The following SHOC1 variants were observed in gnomAD, a reference collection of about 807,000 sequenced individuals.
SHOC1 encodes protein shortage in chiasmata 1 ortholog.
SHOC1 carries 136 observed loss-of-function variants against 179.2 expected under a neutral mutation model. The ratio of observed to expected loss-of-function variants is 0.76; its 90% CI spans 0.66 to 0.87. SHOC1 has a LOEUF of 0.87. Ranked by LOEUF, SHOC1 falls within the 40% of genes least tolerant of loss-of-function variation. SHOC1 has a pLI of 0.00. For missense variants in SHOC1, 1,538 were observed against 1,700.8 expected (o/e 0.90, Z 1.68); for synonymous variants, 489 against 586.6 (o/e 0.83, Z 2.41).
At chr9:111,728,141 A>G (rs1457000625) in intron 12 of SHOC1, 92 bp from the exon 13 acceptor site, 1 of 904,934 alleles carries the variant, frequency 1.1e-6, no homozygotes, top group African/African-American at 1.7e-5. Flanking sequence ...GTGGTTTCTT[A>G]TTAATGTAAT....
chr9:111,733,937 C>T (rs527293657), intron 12 of SHOC1, among the ~76,000 whole-genome samples: 1 of 152,128 alleles, frequency 6.6e-6, no homozygotes, highest in African/African-American at 2.4e-5. Context: ...CCAAGTGCCA[C>T]TTTTCAGATA....
At chr9:111,782,346 G>C (rs1836096620) in intron 3 of SHOC1, among the ~76,000 whole-genome samples, 1 of 151,958 alleles carries the variant, frequency 6.6e-6, no homozygotes. Context: ...TTGCACCTCT[G>C]TTTTTTTTAT....
intron 9 of SHOC1, 148 bp from the exon 10 acceptor site, chr9:111,746,490 G>C: frequency 4.0e-6 from 2 of 504,214 alleles, no homozygotes; most frequent in South Asian, 2.5e-5. Flanking sequence ...GGGCAACATG[G>C]CAAGATCAGT....
intron 5 of SHOC1, among the ~76,000 whole-genome samples, chr9:111,760,451 A>G (rs1462544937): frequency 1.3e-5 from 2 of 152,280 alleles, no homozygotes; most frequent in East Asian, 3.9e-4. Context: ...ACCAGGAAAC[A>G]AAATTTTGGC....
intron 2 of SHOC1, among the ~76,000 whole-genome samples, chr9:111,786,515 T>TTTC (rs1836268345): frequency 1.3e-5 from 2 of 150,818 alleles, no homozygotes; most frequent in African/African-American, 4.9e-5. Context: ...TTTTTTTTTT[T>TTTC]TTTTTTTTTT....
At chr9:111,732,254 T>C (rs1833607320) in intron 12 of SHOC1, among the ~76,000 whole-genome samples, 1 of 152,136 alleles carries the variant, frequency 6.6e-6, no homozygotes, top group Admixed American at 6.6e-5. Flanking sequence ...CACATAAGAC[T>C]CAGCAATTTG....
intron 27 of SHOC1, among the ~76,000 whole-genome samples, chr9:111,689,641 T>C (rs546621108): frequency 9.4e-4 from 143 of 151,940 alleles, no homozygotes; most frequent in Non-Finnish European, 1.8e-3. Flanking sequence ...CCATATTGAA[T>C]GTAGATACTA....
intron 19 of SHOC1, among the ~76,000 whole-genome samples, chr9:111,707,452 A>T (rs1036537400): frequency 2.6e-5 from 4 of 152,046 alleles, no homozygotes; most frequent in African/African-American, 7.2e-5. Flanking sequence ...ACAATTCAAC[A>T]CTTGATTTAT....
chr9:111,744,940 A>T (rs1361222703), intron 10 of SHOC1, among the ~76,000 whole-genome samples: 1 of 152,212 alleles, frequency 6.6e-6, no homozygotes, highest in Non-Finnish European at 1.5e-5. Context: ...TTTTGGCTCA[A>T]ACTAGAATAT....
At chr9:111,786,530 C>G (rs1003980167) in intron 2 of SHOC1, among the ~76,000 whole-genome samples, 3 of 75,112 alleles carry the variant, frequency 4.0e-5, no homozygotes, top group African/African-American at 1.7e-4. Flanking sequence ...TTTTTTTTTA[C>G]AAATTGAAGC....
At chr9:111,693,702 C>T in intron 26 of SHOC1, 97 bp downstream of exon 26, 1 of 752,650 alleles carries the variant, frequency 1.3e-6, no homozygotes, top group South Asian at 3.8e-5. Context: ...AACAATTAAA[C>T]TTGGATACCT....
Position 111,706,629 on chromosome 9 carries a change from G to T in SHOC1, c.2676C>A (p.Cys892Ter), listed in dbSNP as rs1176226667. The change falls in exon 20 of 28, where the codon TGC (cysteine) becomes TGA (stop). Residue 892 changes from cysteine to a stop codon, truncating the protein, a stop_gained. Transcript: ENST00000682961. LOFTEE classifies it high-confidence loss of function. ...CCATGTAAGGAATATTCAACTCTTT[G>T]CAGTGTTTAGTCCAACAAGAGTCTT... ...YVEDSCWTKH[C>*]KELNIPYMAF... The T allele has an allele frequency of 6.2e-7, 1 of 1,605,732 alleles. No homozygotes were observed. Among genetic ancestry groups the T allele is most frequent in the Non-Finnish European group, 8.5e-7 (1 of 1,175,508 alleles).
At chr9:111,712,420 G>A (rs12337133) in intron 18 of SHOC1, among the ~76,000 whole-genome samples, 8,669 of 152,130 alleles carry the variant, frequency 0.057, 627 homozygotes, top group African/African-American at 0.17. Flanking sequence ...GATAATGGAA[G>A]GTAAGAAATG....
chr9:111,694,333 A>C lies in SHOC1; in HGVS notation c.3213T>G (p.Thr1071=). The C allele has an allele frequency of 6.2e-7, 1 of 1,610,846 alleles. No homozygotes were observed. The highest frequency in any genetic ancestry group is 8.5e-7 in the Non-Finnish European group (1 of 1,177,652). ...CAGCAATTTGTCGAATTATCAAGGC[A>C]GTTGCTTCTACTCCTGGGGCAATTA... ...KLIIAPGVEA[T]ALIIRQIADH... is the part of the protein sequence containing the mutation. Residue 1071 remains threonine (T), a synonymous_variant, in exon 25 of 28, where the codon ACT becomes ACG. Transcript: ENST00000682961.
At chr9:111,781,503 A>G (rs1319110133) in intron 3 of SHOC1, among the ~76,000 whole-genome samples, 1 of 152,176 alleles carries the variant, frequency 6.6e-6, no homozygotes, top group Non-Finnish European at 1.5e-5. Flanking sequence ...TAGGCAGATC[A>G]CTTGAGGCCA....
At position 111,686,832 on chromosome 9, in the gene SHOC1, G is replaced by C; in HGVS notation, c.4465C>G (p.Arg1489Gly). The change falls in exon 28 of 28, where the codon CGT (arginine) becomes GGT (glycine). Residue 1489 changes from arginine to glycine, a missense_variant. Coordinates refer to ENST00000682961, the MANE Select transcript of SHOC1 (RefSeq NM_001378211.1). ...CSQLPQFKKR[R>G]LAYEKVPGRV... ...CCAGGGACTTTTTCATATGCTAGAC[G>C]TCGTTTTTTGAATTGTGGTAGTTGT... 1 of 1,613,156 alleles carries C rather than the reference G, an allele frequency of 6.2e-7. No individual in the cohort carries two copies. The highest frequency in any genetic ancestry group is 8.5e-7 in the Non-Finnish European group (1 of 1,179,498).
At chr9:111,714,978 G>C (rs1222276238) in intron 16 of SHOC1, among the ~76,000 whole-genome samples, 2 of 152,038 alleles carry the variant, frequency 1.3e-5, no homozygotes, top group Non-Finnish European at 2.9e-5. Context: ...GAATTTTCTT[G>C]GTATTTTATC....
intron 27 of SHOC1, among the ~76,000 whole-genome samples, chr9:111,690,094 C>CATAA (rs10650366): frequency 0.58 from 87,214 of 151,560 alleles, 26,645 homozygotes; most frequent in East Asian, 0.8. Context: ...ACATGAAAAT[C>CATAA]ATAAATATTA....
At chr9:111,791,318 A>T in intron 2 of SHOC1, 56 bp downstream of exon 2, 1 of 1,013,910 alleles carries the variant, frequency 9.9e-7, no homozygotes, top group South Asian at 2.4e-5. Flanking sequence ...GAATGTAGTT[A>T]ACACTTCTTA....
Sources: gnomAD v4.1 joint callset for allele counts (sites outside exome capture counted in the v4.1 genomes callset) on GRCh38, gnomAD v4.1.1 for gene constraint, MANE v1.5 for transcripts, NCBI Gene and HGNC (gene_info 2026-07-23, HGNC 2026-07-21) for gene names.